Variants in ZNF596 observed in about 807,000 individuals in gnomAD.
The protein encoded by ZNF596 is zinc finger protein 596.
Under a neutral mutation model 48.3 loss-of-function variants are expected in ZNF596, and 45 were observed. The ratio of observed to expected loss-of-function variants is 0.93; its 90% CI spans 0.73 to 1.19. The LOEUF is 1.19. ZNF596 is among the 50% of genes most tolerant of loss of function. ZNF596 has a pLI of 0.00. For synonymous variants in ZNF596, 270 were observed against 202.0 expected (o/e 1.34, Z -2.85); for missense variants, 848 against 599.7 (o/e 1.41, Z -4.32).
intron 1 of ZNF596, chr8:237,802 T>G (rs1301631059): frequency 6.6e-6 from 1 of 152,234 alleles, no homozygotes; most frequent in Non-Finnish European, 1.5e-5. Flanking sequence ...GGACTCCAGA[T>G]CCAAACTTGA....
intron 1 of ZNF596, among the ~76,000 whole-genome samples, chr8:238,889 A>G (rs1796735596): frequency 8.4e-6 from 1 of 118,488 alleles, no homozygotes; most frequent in South Asian, 2.9e-4. Context: ...TCAATGAGCT[A>G]TGAGACAACA....
At chr8:237,055 A>C (rs917900045) in intron 1 of ZNF596, 45 of 151,904 alleles carry the variant, frequency 3.0e-4, no homozygotes, top group African/African-American at 1.1e-3. Context: ...AAAATTGGCT[A>C]ATCAGATTTT....
intron 1 of ZNF596, among the ~76,000 whole-genome samples, chr8:238,004 C>A (rs1796688098): frequency 6.6e-6 from 1 of 152,148 alleles, no homozygotes; most frequent in Non-Finnish European, 1.5e-5. Context: ...GTGACCCAGG[C>A]CCACATAAGC....
chr8:244,012 C>T (rs992111110), intron 4 of ZNF596: 38 of 398,134 alleles, frequency 9.5e-5, no homozygotes, highest in Middle Eastern at 1.6e-3. Context: ...CTCAGCCTCC[C>T]GAGTAGCTAG....
chr8:245,436 T>C lies in ZNF596; in HGVS notation c.589T>C (p.Cys197Arg), dbSNP rs763024361. The change falls in exon 6 of 6, where the codon TGT becomes CGT. Residue 197 changes from cysteine to arginine, a missense_variant. Cys to Arg is a radical substitution (Grantham distance 180, BLOSUM62 -3). Coordinates refer to ENST00000398612, the MANE Select transcript of ZNF596 (RefSeq NM_001042416.3). ...TCACACTAGAGAGATAACATTGGAA[T>C]GTCGTGTGTGTGGGAAAACCTTTAG... ...VTHTREITLE[C>R]RVCGKTFSKN... The C allele has an allele frequency of 3.7e-6, 6 of 1,614,202 alleles. No homozygotes were observed. The highest frequency in any genetic ancestry group is 1.3e-5 in the African/African-American group (1 of 75,072).
At chr8:239,574 A>G (rs1796764209) in intron 1 of ZNF596, among the ~76,000 whole-genome samples, 1 of 152,212 alleles carries the variant, frequency 6.6e-6, no homozygotes, top group Non-Finnish European at 1.5e-5. Context: ...TAGCTGATTT[A>G]TTACAAAGGA....
intron 1 of ZNF596, among the ~76,000 whole-genome samples, chr8:239,714 C>G (rs1407787801): frequency 6.6e-6 from 1 of 152,166 alleles, no homozygotes; most frequent in Non-Finnish European, 1.5e-5. Context: ...TGGATGTGTT[C>G]TTCACCCACC....
rs1245315428 is a variant in ZNF596 at position 244,600 on chromosome 8, T to G, written c.224-19T>G. ...CCCCTAATGCCTATATAGCATCTTT[T>G]TTTTTTCATTTATTTCAGGTAGAGA... On this transcript the variant is annotated intron_variant, in intron 4 of 5. Transcript: ENST00000398612. 2 of 1,589,830 alleles carry G rather than the reference T, an allele frequency of 1.3e-6. No individual in the cohort carries two copies. The highest frequency in any genetic ancestry group is 2.7e-5 in the African/African-American group (2 of 73,970).
intron 3 of ZNF596, 119 bp downstream of exon 3, chr8:243,132 A>C (rs574138198): frequency 3.4e-6 from 3 of 876,752 alleles, no homozygotes; most frequent in Non-Finnish European, 4.8e-6. Context: ...TATCACTTCA[A>C]CTTCTGCTTT....
In ZNF596 at chr8:243,795, C is replaced by G; in HGVS notation, c.213C>G (p.Ser71Arg). ...AGAAACTTTCAACACAAAGAATAAGCTTACTGCAAGGTGAGCTCTAAGAAG... is the reference window on the plus strand; with the variant it reads ...AGAAACTTTCAACACAAAGAATAAGGTTACTGCAAGGTGAGCTCTAAGAAG... ...QVEKLSTQRI[S>R]LLQGREVGIK... is the part of the protein sequence containing the mutation. Residue 71 changes from serine (S) to arginine (R), a missense_variant, in exon 4 of 6, where the codon AGC becomes AGG. Ser to Arg is a moderately radical substitution (Grantham distance 110). Transcript: ENST00000398612. 1.2e-6 allele frequency: 2 copies of G among 1,613,238 alleles called. No individual in the cohort carries two copies. The highest frequency in any genetic ancestry group is 2.2e-5 in the East Asian group (1 of 44,864).
intron 3 of ZNF596, 52 bp from the exon 4 acceptor site, chr8:243,670 T>A: frequency 6.3e-7 from 1 of 1,582,312 alleles, no homozygotes; most frequent in Non-Finnish European, 8.7e-7. Flanking sequence ...GATAACCTTG[T>A]ACATTTGTCA....
intron 2 of ZNF596, 75 bp downstream of exon 2, chr8:240,982 C>T: frequency 6.5e-7 from 1 of 1,544,770 alleles, no homozygotes; most frequent in Non-Finnish European, 9.0e-7. Context: ...ATCCTATTAA[C>T]ATGGATGTTC....
At chr8:244,458 A>G in intron 4 of ZNF596, 161 bp from the exon 5 acceptor site, 1 of 608,100 alleles carries the variant, frequency 1.6e-6, no homozygotes, top group South Asian at 2.1e-5. Flanking sequence ...AAATGTCAGT[A>G]GTCAATGTGC....
At chr8:237,988 G>A (rs746688894) in intron 1 of ZNF596, among the ~76,000 whole-genome samples, 18 of 152,320 alleles carry the variant, frequency 1.2e-4, no homozygotes, top group Non-Finnish European at 2.2e-4. Flanking sequence ...GTCCCTGCTG[G>A]CAGGGGTGAC....
chr8:246,171 A>T lies in ZNF596; in HGVS notation c.1324A>T (p.Thr442Ser), dbSNP rs370719960. Residue 442 changes from threonine to serine, a missense_variant, in exon 6 of 6, where the codon ACT becomes TCT. Coordinates refer to ENST00000398612, the MANE Select transcript of ZNF596 (RefSeq NM_001042416.3). ...SVLRRHERTH[T>S]GEKPYECNIC... ...CCTTAGACGACATGAGAGAACTCAC[A>T]CTGGAGAGAAACCATATGAATGCAA... The T allele has an allele frequency of 1.5e-5, 24 of 1,614,072 alleles. No individual in the cohort carries two copies. In the African/African-American group the frequency reaches 2.8e-4, roughly 19 times the overall value.
chr8:246,978 T>G lies in ZNF596; in HGVS notation c.*616T>G, dbSNP rs1797115362. 1 of 152,466 alleles carries G rather than the reference T, an allele frequency of 6.6e-6. No individual in the cohort carries two copies. The highest frequency in any genetic ancestry group is 2.4e-5 in the African/African-American group (1 of 41,466). 9.4% of individuals were successfully genotyped at this position (152,466 alleles called of 1,614,324 possible). ...ATAATAGATCAGAATTCACATGGTG[T>G]AGAACTCTCAATGACATGAATGGAG... On this transcript the variant is annotated 3_prime_UTR_variant, in exon 6 of 6. Transcript: ENST00000398612.
chr8:235,278 C>G (rs1276326620), intron 1 of ZNF596, among the ~76,000 whole-genome samples: 7 of 152,212 alleles, frequency 4.6e-5, no homozygotes, highest in Non-Finnish European at 8.8e-5. Flanking sequence ...ATGCTGCTTA[C>G]TAGCACACTG....
chr8:238,762 G>A (rs530038175), intron 1 of ZNF596, among the ~76,000 whole-genome samples: 10 of 151,576 alleles, frequency 6.6e-5, no homozygotes, highest in Admixed American at 1.3e-4. Flanking sequence ...AGCTGGTATC[G>A]TGCCGTTGCA....
chr8:235,840 A>T (rs1425194227), intron 1 of ZNF596, among the ~76,000 whole-genome samples: 1 of 152,210 alleles, frequency 6.6e-6, no homozygotes, highest in African/African-American at 2.4e-5. Flanking sequence ...AAATATTTAT[A>T]TGACTTATTT....
Sources: gnomAD v4.1 joint callset for allele counts (sites outside exome capture counted in the v4.1 genomes callset) on GRCh38, gnomAD v4.1.1 for gene constraint, MANE v1.5 for transcripts, NCBI Gene and HGNC (gene_info 2026-07-23, HGNC 2026-07-21) for gene names.